PPFIA2: variants seen among roughly 807,000 people sequenced by gnomAD.
PPFIA2 encodes the protein PPFI scaffold protein A2, also known as liprin-alpha-2.
PPFIA2 carries 46 observed loss-of-function variants against 175.5 expected under a neutral mutation model. The ratio of observed to expected loss-of-function variants is 0.26; its 90% CI spans 0.21 to 0.34. PPFIA2 has a LOEUF of 0.34. Ranked by LOEUF, PPFIA2 falls within the 10% of genes least tolerant of loss-of-function variation. PPFIA2 has a pLI of 1.00. For missense variants in PPFIA2, 1,179 were observed against 1,506.1 expected (o/e 0.78, Z 3.60); for synonymous variants, 568 against 511.4 (o/e 1.11, Z -1.49).
chr12:81,346,018 T>C (rs574884121), intron 18 of PPFIA2, among the ~76,000 whole-genome samples: 20 of 152,234 alleles, frequency 1.3e-4, no homozygotes, highest in African/African-American at 4.1e-4. Context: ...GAGCAGAAAA[T>C]AGTGGACTCA....
chr12:81,708,737 A>T (rs1257447401), intron 3 of PPFIA2, among the ~76,000 whole-genome samples: 3 of 152,204 alleles, frequency 2.0e-5, no homozygotes, highest in African/African-American at 7.2e-5. Context: ...TCTTTACCTA[A>T]TAACAAATCA....
chr12:81,298,920 T>C (rs1174333736), intron 23 of PPFIA2, among the ~76,000 whole-genome samples: 2 of 152,178 alleles, frequency 1.3e-5, no homozygotes, highest in African/African-American at 4.8e-5. Flanking sequence ...TAGGTGATCT[T>C]ACTACCTTGG....
intron 3 of PPFIA2, among the ~76,000 whole-genome samples, chr12:81,685,418 TA>T (rs1471625211): frequency 6.6e-6 from 1 of 151,996 alleles, no homozygotes; most frequent in East Asian, 1.9e-4. Context: ...AATTATTCTT[TA>T]AAACAAAAAA....
intron 7 of PPFIA2, among the ~76,000 whole-genome samples, chr12:81,436,471 A>C (rs930504554): frequency 1.3e-5 from 2 of 152,010 alleles, no homozygotes; most frequent in African/African-American, 4.8e-5. Flanking sequence ...TTTTTTAAAA[A>C]CTATCTTCTT....
At position 81,287,490 on chromosome 12, in the gene PPFIA2, G is replaced by A. The variant is rs138421999; in HGVS notation, c.2926-3187C>T. Among the ~76,000 whole-genome samples the A allele has an allele frequency of 6.2e-3, 949 of 151,934 alleles. 4 individuals carry two copies. The highest frequency in any genetic ancestry group is 0.015 in the African/African-American group (621 of 41,502). On this transcript the variant is annotated intron_variant, in intron 24 of 32. Transcript: ENST00000549396. ...CTGAAGTATGACTGGCAAACTTTCA[G>A]AAGTTGTATGTTAGTTGTTTCTGTT...
intron 3 of PPFIA2, among the ~76,000 whole-genome samples, chr12:81,685,918 C>T (rs915492640): frequency 4.6e-5 from 7 of 152,004 alleles, no homozygotes; most frequent in Non-Finnish European, 1.0e-4. Flanking sequence ...TAGGTAACAT[C>T]GTAACTCTCT....
At chr12:81,540,361 T>C (rs916181173) in intron 4 of PPFIA2, among the ~76,000 whole-genome samples, 7 of 152,050 alleles carry the variant, frequency 4.6e-5, no homozygotes, top group African/African-American at 1.4e-4. Flanking sequence ...GAAAGTGATT[T>C]AACCTCTCAG....
At chr12:81,350,127 T>G (rs2059763229) in intron 17 of PPFIA2, among the ~76,000 whole-genome samples, 2 of 152,148 alleles carry the variant, frequency 1.3e-5, no homozygotes, top group African/African-American at 2.4e-5. Context: ...AGAAATAGCT[T>G]GTTATGGAGG....
Position 81,754,223 on chromosome 12 carries a change from G to C in PPFIA2, c.-2C>G, listed in dbSNP as rs2084284638. 1 of 1,592,062 alleles carries C rather than the reference G, an allele frequency of 6.3e-7. No individual in the cohort carries two copies. Among genetic ancestry groups the C allele is most frequent in the Admixed American group, 1.8e-5 (1 of 57,132 alleles). ...CGTGGGCATCACTTCACACATCATT[G>C]CTTAAAGAAAGTAAGTGGGAAGGAG... On this transcript the variant is annotated splice_region_variant and 5_prime_UTR_variant, in exon 3 of 33. Coordinates refer to ENST00000549396, the MANE Select transcript of PPFIA2 (RefSeq NM_003625.5).
At chr12:81,491,549 T>C (rs937410921) in intron 4 of PPFIA2, among the ~76,000 whole-genome samples, 4 of 151,822 alleles carry the variant, frequency 2.6e-5, no homozygotes, top group African/African-American at 7.2e-5. Flanking sequence ...TACTGTTAGA[T>C]AAATCCATGA....
chr12:81,463,284 A>G (rs1222346214), intron 4 of PPFIA2, among the ~76,000 whole-genome samples: 1 of 152,156 alleles, frequency 6.6e-6, no homozygotes, highest in Non-Finnish European at 1.5e-5. Flanking sequence ...GTAGTGAGAA[A>G]TCAATGTTAG....
At chr12:81,439,804 A>G (rs182115165) in intron 7 of PPFIA2, 168 bp downstream of exon 7, 3 of 623,600 alleles carry the variant, frequency 4.8e-6, no homozygotes, top group East Asian at 3.2e-5. Flanking sequence ...AAATAACCAA[A>G]AATCAGAAAA....
At chr12:81,562,892 TGTACAATAACTA>T (rs1432139725) in intron 4 of PPFIA2, among the ~76,000 whole-genome samples, 4 of 140,286 alleles carry the variant, frequency 2.9e-5, no homozygotes, top group African/African-American at 8.1e-5. Context: ...GTATGTTGAA[TGTACAATAACTA>T]CTTACAGTGA....
chr12:81,666,064 C>T (rs1225094045), intron 4 of PPFIA2, among the ~76,000 whole-genome samples: 3 of 152,154 alleles, frequency 2.0e-5, no homozygotes, highest in Non-Finnish European at 2.9e-5. Flanking sequence ...CAATGAGATA[C>T]CATCTCACAC....
chr12:81,731,609 A>C (rs2153640382), intron 3 of PPFIA2, among the ~76,000 whole-genome samples: 1 of 151,818 alleles, frequency 6.6e-6, no homozygotes, highest in African/African-American at 2.4e-5. Context: ...AGGTTGAAAT[A>C]GTATTAAAAG....
chr12:81,493,772 A>T (rs1013158354), intron 4 of PPFIA2, among the ~76,000 whole-genome samples: 1 of 136,288 alleles, frequency 7.3e-6, no homozygotes, highest in Admixed American at 7.5e-5. Context: ...ATATATATAT[A>T]TATATATATA....
intron 4 of PPFIA2, among the ~76,000 whole-genome samples, chr12:81,661,201 T>C (rs1009826939): frequency 2.6e-5 from 4 of 152,128 alleles, no homozygotes; most frequent in Admixed American, 1.3e-4. Context: ...GTTAACAATA[T>C]TGACCTTAAA....
chr12:81,602,789 C>T (rs1276717563), intron 4 of PPFIA2, among the ~76,000 whole-genome samples: 1 of 151,790 alleles, frequency 6.6e-6, no homozygotes, highest in Non-Finnish European at 1.5e-5. Context: ...GCAGACAGAA[C>T]TCCTTAATTG....
intron 8 of PPFIA2, among the ~76,000 whole-genome samples, chr12:81,403,833 C>G (rs1440076121): frequency 6.6e-6 from 1 of 152,166 alleles, no homozygotes; most frequent in East Asian, 1.9e-4. Context: ...AAGGAAGAAT[C>G]AGGGCAGAAG....
Sources: gnomAD v4.1 joint callset for allele counts (sites outside exome capture counted in the v4.1 genomes callset) on GRCh38, gnomAD v4.1.1 for gene constraint, MANE v1.5 for transcripts, NCBI Gene and HGNC (gene_info 2026-07-23, HGNC 2026-07-21) for gene names.